TNPO3: variants seen among roughly 807,000 people sequenced by gnomAD.
TNPO3 encodes the protein transportin 3.
TNPO3 carries 65 observed loss-of-function variants against 122.8 expected under a neutral mutation model. The ratio of observed to expected loss-of-function variants is 0.53; its 90% CI spans 0.43 to 0.65. The LOEUF (loss-of-function observed/expected upper bound fraction) is 0.65. Ranked by LOEUF, TNPO3 falls within the 30% of genes least tolerant of loss-of-function variation. The pLI is 0.00. For synonymous variants in TNPO3, 372 were observed against 411.2 expected, an observed-to-expected ratio of 0.90 and a Z score of 1.15; for missense variants, 850 against 1,136.7, an observed-to-expected ratio of 0.75 and a Z score of 3.63.
chr7:129,047,546 G>A (rs1808196642), intron 1 of TNPO3, among the ~76,000 whole-genome samples: 1 of 152,152 alleles, frequency 6.6e-6, no homozygotes. Flanking sequence ...AGATTCTTCA[G>A]AAAATGGCTG....
Position 128,954,328 on chromosome 7 carries a change from T to C in TNPO3, c.*1089A>G, listed in dbSNP as rs1445795546. 2 of 152,208 alleles carry C rather than the reference T, an allele frequency of 1.3e-5. No homozygotes were observed. Among genetic ancestry groups the C allele is most frequent in the African/African-American group, 2.4e-5 (1 of 41,426 alleles). 9.4% of individuals were successfully genotyped at this position (152,208 alleles called of 1,614,324 possible). ...TGAAACATTAAGATCTGCTTTGGGC[T>C]TCCCTCTTCGGCCTCACCCTCCCCT... is the stretch of plus-strand genomic sequence containing the variant. On this transcript the variant is annotated 3_prime_UTR_variant, in exon 23 of 23. Coordinates refer to ENST00000265388, the MANE Select transcript of TNPO3 (RefSeq NM_012470.4).
chr7:129,032,573 G>T (rs547963562), intron 1 of TNPO3, among the ~76,000 whole-genome samples: 5 of 152,056 alleles, frequency 3.3e-5, no homozygotes, highest in African/African-American at 1.2e-4. Context: ...TACTAACAAT[G>T]AAAAATCTGA....
intron 1 of TNPO3, among the ~76,000 whole-genome samples, chr7:129,028,253 G>A (rs1805498193): frequency 6.6e-6 from 1 of 152,068 alleles, no homozygotes; most frequent in Non-Finnish European, 1.5e-5. Context: ...AAACCCCAAT[G>A]TTGCATATTA....
At chr7:128,969,408 G>A (rs2128991097) in intron 20 of TNPO3, among the ~76,000 whole-genome samples, 1 of 152,236 alleles carries the variant, frequency 6.6e-6, no homozygotes, top group East Asian at 1.9e-4. Context: ...TTTATATTCT[G>A]TGGTTCTGTA....
rs144691224 is a variant in TNPO3 at position 129,016,864 on chromosome 7, A to G, written c.395+119T>C. 2.7e-4 allele frequency: 222 copies of G among 811,902 alleles called. 1 individual carries two copies. The East Asian group carries it at 5.5e-3, about 20-fold the overall frequency. 50.3% of individuals were successfully genotyped at this position (811,902 alleles called of 1,614,324 possible). Reference sequence around the variant, plus strand: ...ATTTAATCTAACAAAGGTTAATAACATAATTCTATGTTAAGAGTTCAGGGA... The same window carrying G: ...ATTTAATCTAACAAAGGTTAATAACGTAATTCTATGTTAAGAGTTCAGGGA... On this transcript the variant is annotated intron_variant, in intron 3 of 22. Coordinates refer to ENST00000265388, the MANE Select transcript of TNPO3 (RefSeq NM_012470.4).
intron 4 of TNPO3, among the ~76,000 whole-genome samples, chr7:129,007,391 TA>T (rs1225688611): frequency 6.6e-6 from 1 of 152,218 alleles, no homozygotes; most frequent in African/African-American, 2.4e-5. Context: ...CAAAAGCCTG[TA>T]AAGTTAGGCA....
At chr7:129,014,939 C>T (rs759220623) in intron 4 of TNPO3, 40 bp downstream of exon 4, 3 of 1,529,010 alleles carry the variant, frequency 2.0e-6, no homozygotes, top group Non-Finnish European at 2.6e-6. Context: ...CCATGGCTTT[C>T]TGCCTTTATG....
chr7:129,033,806 G>A (rs1295551081), intron 1 of TNPO3, among the ~76,000 whole-genome samples: 1 of 151,786 alleles, frequency 6.6e-6, no homozygotes, highest in African/African-American at 2.4e-5. Context: ...CCAGCTACTT[G>A]GGAGGCTGAG....
At chr7:129,011,379 T>G (rs1803173871) in intron 4 of TNPO3, among the ~76,000 whole-genome samples, 1 of 152,254 alleles carries the variant, frequency 6.6e-6, no homozygotes. Flanking sequence ...AGTCTCACTC[T>G]GTCGCTCAGG....
intron 22 of TNPO3, among the ~76,000 whole-genome samples, chr7:128,956,002 T>C (rs1796863095): frequency 6.6e-6 from 1 of 152,170 alleles, no homozygotes; most frequent in South Asian, 2.1e-4. Context: ...AGGATTATCT[T>C]AGTTAATACA....
At chr7:128,992,731 CTTA>C (rs1445822181) in intron 9 of TNPO3, among the ~76,000 whole-genome samples, 1 of 152,166 alleles carries the variant, frequency 6.6e-6, no homozygotes, top group Non-Finnish European at 1.5e-5. Flanking sequence ...AAACAGCTCT[CTTA>C]TTATACAACT....
chr7:129,015,694 A>G (rs188417359), intron 3 of TNPO3, among the ~76,000 whole-genome samples: 133 of 152,122 alleles, frequency 8.7e-4, no homozygotes, highest in Non-Finnish European at 1.5e-3. Flanking sequence ...TCAGCCAGGC[A>G]TGGTGGTATG....
chr7:129,008,008 G>A (rs188142887), intron 4 of TNPO3, among the ~76,000 whole-genome samples: 10 of 152,086 alleles, frequency 6.6e-5, no homozygotes, highest in Admixed American at 6.6e-4. Context: ...AATTAGCCAG[G>A]TGTGGTGGCA....
chr7:128,994,877 C>CA (rs1439197156), intron 8 of TNPO3, among the ~76,000 whole-genome samples: 4 of 152,138 alleles, frequency 2.6e-5, no homozygotes, highest in Non-Finnish European at 5.9e-5. Context: ...AGGCTGGTCT[C>CA]AAACTCCTGA....
intron 17 of TNPO3, 90 bp downstream of exon 17, chr7:128,975,729 C>T: frequency 1.3e-6 from 1 of 795,098 alleles, no homozygotes. Context: ...CATAAAGAAG[C>T]AACAGAATTA....
chr7:128,990,043 G>A lies in TNPO3; in HGVS notation c.1416C>T (p.Thr472=), dbSNP rs368379579. 213 of 1,613,996 alleles carry A rather than the reference G, an allele frequency of 1.3e-4. No homozygotes were observed. Among genetic ancestry groups the A allele is most frequent in the Non-Finnish European group, 1.6e-4 (188 of 1,180,042 alleles). Residue 472 remains threonine, a synonymous_variant, in exon 11 of 23, where the codon ACC becomes ACT. Coordinates refer to ENST00000265388, the MANE Select transcript of TNPO3 (RefSeq NM_012470.4). ...TGGTGTATCGCACAGCCGTATGTAC[G>A]GTCTCCGGGAGGCGGACAACTCCTT... ...VLEGVVRLPE[T]VHTAVRYTSI...
chr7:129,030,382 G>T, intron 1 of TNPO3: 1 of 182,516 alleles, frequency 5.5e-6, no homozygotes, highest in South Asian at 1.1e-4. Flanking sequence ...GTGATGTCAG[G>T]ACCAGCATCG....
intron 5 of TNPO3, among the ~76,000 whole-genome samples, chr7:129,002,691 G>A (rs1280318635): frequency 6.6e-6 from 1 of 152,056 alleles, no homozygotes; most frequent in Non-Finnish European, 1.5e-5. Flanking sequence ...GGCCAAGGTG[G>A]GCAGATCACA....
rs757809379 is a variant in TNPO3, at chr7:128,974,955, C to G, written c.2186G>C (p.Cys729Ser). The change falls in exon 18 of 23, where the codon TGC becomes TCC. Residue 729 changes from cysteine to serine, a missense_variant. Coordinates refer to ENST00000265388, the MANE Select transcript of TNPO3 (RefSeq NM_012470.4). ...TTCTAGGAGCTGAAAGGTGGGGATG[C>G]ACAGTGCCTAAAACAAAACAGTGAT... ...QGLLDMLQAL[C>S]IPTFQLLEQQ... is the part of the protein sequence containing the mutation. 1.1e-5 allele frequency: 18 copies of G among 1,613,738 alleles called. No homozygotes were observed. In the Admixed American group the frequency reaches 2.8e-4, roughly 25 times the overall value.
Sources: gnomAD v4.1 joint callset for allele counts (sites outside exome capture counted in the v4.1 genomes callset) on GRCh38, gnomAD v4.1.1 for gene constraint, MANE v1.5 for transcripts, NCBI Gene and HGNC (gene_info 2026-07-23, HGNC 2026-07-21) for gene names.